FAM120A: variants seen among roughly 807,000 people sequenced by gnomAD.
FAM120A encodes the protein family with sequence similarity 120 member A.
Under a neutral mutation model 109.7 loss-of-function variants are expected in FAM120A, and 15 were observed. The observed-to-expected ratio is 0.14, with a 90% CI of 0.09 to 0.21. FAM120A has a LOEUF of 0.21. Ranked by LOEUF, FAM120A falls within the 10% of genes least tolerant of loss-of-function variation. The pLI, the probability that FAM120A is intolerant of heterozygous loss-of-function variation, is 1.00. For missense variants in FAM120A, 899 were observed against 1,439.3 expected (o/e 0.62, Z 6.07); for synonymous variants, 493 against 572.8 (o/e 0.86, Z 1.99).
chr9:93,462,794 T>C (rs1564307057), intron 1 of FAM120A, among the ~76,000 whole-genome samples: 1 of 152,200 alleles, frequency 6.6e-6, no homozygotes, highest in East Asian at 1.9e-4. Context: ...ATAGTATATG[T>C]AATTTTGTGT....
rs749542520 is a variant in FAM120A at position 93,556,478 on chromosome 9, A to G, written c.2371A>G (p.Ile791Val). ...LFANDACGQP[I>V]PWEHCCPWMY... ...TGCAAATGATGCATGCGGACAGCCA[A>G]TCCCCTGGGAACACTGTTGTCCTTG... The change falls in exon 13 of 18, where the codon ATC becomes GTC. Residue 791 changes from isoleucine to valine, a missense_variant. By Grantham distance (29) the Ile-to-Val change is conservative. This residue lies in a region of FAM120A where 31 missense variants were observed against 73.0 expected (regional missense o/e 0.42). Coordinates refer to ENST00000277165, the MANE Select transcript of FAM120A (RefSeq NM_014612.5). 34 of 1,614,206 alleles carry G rather than the reference A, an allele frequency of 2.1e-5. No individual in the cohort carries two copies. Among genetic ancestry groups the G allele is most frequent in the East Asian group, 4.5e-5 (2 of 44,890 alleles).
At chr9:93,530,841 C>T (rs41274406) in intron 9 of FAM120A, 16,919 of 152,232 alleles carry the variant, frequency 0.11, 1,219 homozygotes, top group Non-Finnish European at 0.16. Context: ...ACTCATTCCT[C>T]GTGGGGCTGT....
intron 8 of FAM120A, among the ~76,000 whole-genome samples, chr9:93,528,627 G>A (rs1266161063): frequency 6.6e-6 from 1 of 152,102 alleles, no homozygotes; most frequent in Non-Finnish European, 1.5e-5. Context: ...TTACAGAATG[G>A]GTGTTTTCAC....
At chr9:93,487,921 A>T (rs1859136154) in intron 3 of FAM120A, among the ~76,000 whole-genome samples, 1 of 152,150 alleles carries the variant, frequency 6.6e-6, no homozygotes, top group Admixed American at 6.5e-5. Context: ...AGTTACTGTG[A>T]ACATTCATCA....
intron 3 of FAM120A, among the ~76,000 whole-genome samples, chr9:93,483,305 G>A (rs1858902228): frequency 6.6e-6 from 1 of 151,510 alleles, no homozygotes; most frequent in African/African-American, 2.4e-5. Context: ...TAAAATCTAA[G>A]TACTTATTTA....
At chr9:93,511,494 C>T (rs1191554694) in intron 5 of FAM120A, among the ~76,000 whole-genome samples, 1 of 152,224 alleles carries the variant, frequency 6.6e-6, no homozygotes. Flanking sequence ...ACGCCGCGCC[C>T]TCCCACTGTG....
intron 2 of FAM120A, among the ~76,000 whole-genome samples, chr9:93,475,148 T>A (rs990564227): frequency 6.6e-6 from 1 of 152,218 alleles, no homozygotes; most frequent in South Asian, 2.1e-4. Flanking sequence ...CAAGTCAGCA[T>A]GAAAGTCATT....
chr9:93,464,742 C>G (rs1015720730), intron 1 of FAM120A, among the ~76,000 whole-genome samples: 4 of 152,240 alleles, frequency 2.6e-5, no homozygotes, highest in African/African-American at 9.6e-5. Context: ...CTGGGACTTT[C>G]AGCAAGGAGG....
chr9:93,522,230 CTAA>C (rs903011251), intron 7 of FAM120A, among the ~76,000 whole-genome samples: 30 of 151,972 alleles, frequency 2.0e-4, no homozygotes, highest in Admixed American at 2.0e-3. Context: ...TATCTTTTTT[CTAA>C]TTATCATCTT....
At chr9:93,562,836 T>A (rs1564363672) in intron 17 of FAM120A, among the ~76,000 whole-genome samples, 1 of 152,036 alleles carries the variant, frequency 6.6e-6, no homozygotes, top group Non-Finnish European at 1.5e-5. Context: ...GGCTAATTTT[T>A]GTAGTTTTAG....
At chr9:93,514,130 A>G (rs1459524100) in intron 5 of FAM120A, among the ~76,000 whole-genome samples, 1 of 152,182 alleles carries the variant, frequency 6.6e-6, no homozygotes, top group Non-Finnish European at 1.5e-5. Flanking sequence ...AGGGGAAGCA[A>G]GGCACCTTCT....
chr9:93,491,893 T>C (rs1859338079), intron 3 of FAM120A, among the ~76,000 whole-genome samples: 1 of 152,134 alleles, frequency 6.6e-6, no homozygotes, highest in Non-Finnish European at 1.5e-5. Context: ...AAATGGGACA[T>C]AAATTTTTAT....
chr9:93,482,927 G>C (rs1437159919), intron 3 of FAM120A, among the ~76,000 whole-genome samples: 1 of 152,176 alleles, frequency 6.6e-6, no homozygotes. Context: ...CTCATGCAGT[G>C]CCTGGAGCCA....
intron 8 of FAM120A, among the ~76,000 whole-genome samples, chr9:93,527,602 T>C (rs149924278): frequency 6.8e-6 from 1 of 148,008 alleles, no homozygotes; most frequent in East Asian, 2.0e-4. Context: ...TTTAAAAAAA[T>C]TTTTGTATTT....
chr9:93,520,689 T>C (rs1408553233), intron 7 of FAM120A, among the ~76,000 whole-genome samples: 1 of 152,190 alleles, frequency 6.6e-6, no homozygotes, highest in African/African-American at 2.4e-5. Context: ...TGGTGTGCAT[T>C]GCAGCAACAT....
chr9:93,518,420 A>G (rs1357353388), intron 7 of FAM120A, among the ~76,000 whole-genome samples: 1 of 152,212 alleles, frequency 6.6e-6, no homozygotes, highest in Non-Finnish European at 1.5e-5. Context: ...TAGTTTAGAA[A>G]AAAAGTCACT....
intron 2 of FAM120A, 103 bp from the exon 3 acceptor site, chr9:93,476,153 G>T: frequency 1.5e-6 from 1 of 688,914 alleles, no homozygotes. Flanking sequence ...CTCAGTTTCT[G>T]TTTGAAAGTT....
intron 7 of FAM120A, among the ~76,000 whole-genome samples, chr9:93,525,899 C>T (rs753350408): frequency 3.9e-5 from 6 of 152,220 alleles, no homozygotes; most frequent in Non-Finnish European, 8.8e-5. Context: ...GGCGTGCATG[C>T]AGTATCCTTG....
intron 12 of FAM120A, 104 bp from the exon 13 acceptor site, chr9:93,556,278 G>A (rs1862278451): frequency 1.2e-5 from 11 of 917,934 alleles, no homozygotes; most frequent in Non-Finnish European, 1.9e-5. Context: ...GTGCTGTTTT[G>A]TTGAGGAATA....
Sources: gnomAD v4.1 joint callset for allele counts (sites outside exome capture counted in the v4.1 genomes callset) on GRCh38, gnomAD v4.1.1 for gene constraint, gnomAD v4.1.1 regional missense constraint, MANE v1.5 for transcripts, NCBI Gene and HGNC (gene_info 2026-07-23, HGNC 2026-07-21) for gene names.